Variants in MYO6 observed in about 807,000 individuals in gnomAD.
The protein encoded by MYO6 is unconventional myosin-VI.
MYO6 carries 74 observed loss-of-function variants against 178.7 expected under a neutral mutation model. The ratio of observed to expected loss-of-function variants is 0.41; its 90% confidence interval spans 0.34 to 0.50. MYO6 has a LOEUF of 0.50. Ranked by LOEUF, MYO6 falls within the 20% of genes least tolerant of loss-of-function variation. The probability of loss-of-function intolerance (pLI) is 0.09; values close to 1 mark genes in which losing one functional copy is unlikely to be tolerated. For missense variants in MYO6, 1,330 were observed against 1,547.4 expected (o/e 0.86, Z 2.36); for synonymous variants, 477 against 504.6 (o/e 0.95, Z 0.73).
In MYO6 at chr6:75,816,498, C is replaced by T. The variant is rs147829987; in HGVS notation, c.-47-1003C>T. Among the ~76,000 whole-genome samples, 42 of 152,348 alleles carry T rather than the reference C, an allele frequency of 2.8e-4. No homozygotes were observed. In the East Asian group the frequency reaches 7.1e-3, roughly 26 times the overall value. ...TTGGCATTCTAGGCGTAAGCTACCA[C>T]TCATGACCTTGATTGGAGTGTTTCA... is the stretch of plus-strand genomic sequence containing the variant. On this transcript the variant is annotated intron_variant, in intron 1 of 34. Coordinates refer to ENST00000369977, the MANE Select transcript of MYO6 (RefSeq NM_004999.4).
Position 75,914,201 on chromosome 6 carries a change from G to C in MYO6, c.3578G>C (p.Trp1193Ser). ...CCTCAGAGTAAGAAAAAAGGCTGGTGGTATGCCCATTTTGATGGACCATGG... is the reference window on the plus strand; with the variant it reads ...CCTCAGAGTAAGAAAAAAGGCTGGTCGTATGCCCATTTTGATGGACCATGG... ...KDPQSKKKGW[W>S]YAHFDGPWIA... The change falls in exon 34 of 35, where the codon TGG becomes TCG. Residue 1193 changes from tryptophan to serine, a missense_variant. Coordinates refer to ENST00000369977, the MANE Select transcript of MYO6 (RefSeq NM_004999.4). 6.2e-7 allele frequency: 1 copy of C among 1,614,096 alleles called. No individual in the cohort carries two copies. The highest frequency in any genetic ancestry group is 8.5e-7 in the Non-Finnish European group (1 of 1,180,016).
At chr6:75,911,741 G>A in intron 33 of MYO6, 43 bp downstream of exon 33, 10 of 1,582,002 alleles carry the variant, frequency 6.3e-6, no homozygotes, top group Non-Finnish European at 8.7e-6. Flanking sequence ...TGGAAGATGG[G>A]TTAAAATACT....
chr6:75,881,932 C>T (rs1778063926), intron 23 of MYO6, 114 bp downstream of exon 23: 1 of 1,219,782 alleles, frequency 8.2e-7, no homozygotes, highest in Middle Eastern at 2.2e-4. Context: ...GACTTGTTCA[C>T]ACTGGGTCCC....
At chr6:75,842,046 G>A (rs1054554553) in intron 9 of MYO6, among the ~76,000 whole-genome samples, 2 of 152,018 alleles carry the variant, frequency 1.3e-5, no homozygotes, top group African/African-American at 4.8e-5. Context: ...ATTAATAAAG[G>A]ACACATGATT....
intron 9 of MYO6, among the ~76,000 whole-genome samples, chr6:75,844,663 CATTTT>C (rs1429810367): frequency 1.3e-5 from 2 of 151,876 alleles, no homozygotes; most frequent in Non-Finnish European, 2.9e-5. Context: ...GATTTTTAAT[CATTTT>C]ATTTAATCTA....
At chr6:75,911,645 T>G in intron 32 of MYO6, 27 bp from the exon 33 acceptor site, 1 of 1,600,974 alleles carries the variant, frequency 6.2e-7, no homozygotes, top group Non-Finnish European at 8.6e-7. Flanking sequence ...TTTTATCTTT[T>G]CTTCAACATA....
chr6:75,868,177 G>GT (rs952908712), intron 18 of MYO6, among the ~76,000 whole-genome samples: 21 of 150,918 alleles, frequency 1.4e-4, no homozygotes, highest in Non-Finnish European at 2.4e-4. Context: ...ATAAGAGCTA[G>GT]TTTTTTTTTA....
intron 1 of MYO6, among the ~76,000 whole-genome samples, chr6:75,756,893 G>A (rs371372329): frequency 7.1e-4 from 57 of 79,744 alleles, no homozygotes; most frequent in South Asian, 3.2e-3. Context: ...TGTTGTGTGT[G>A]TATATATATA....
Position 75,859,014 on chromosome 6 carries a change from A to C in MYO6, c.1473+21A>C, listed in dbSNP as rs553554182. Reference sequence around the variant, plus strand: ...AGGAGGTAATTGCCATTATAAGTTTAATTTAAGATCTGCATAAAGCTATTT... The same window carrying C: ...AGGAGGTAATTGCCATTATAAGTTTCATTTAAGATCTGCATAAAGCTATTT... On this transcript the variant is annotated intron_variant, in intron 14 of 34. Coordinates refer to ENST00000369977, the MANE Select transcript of MYO6 (RefSeq NM_004999.4). The C allele has an allele frequency of 4.0e-5, 57 of 1,430,758 alleles. No homozygotes were observed. The South Asian group carries it at 6.1e-4, about 15-fold the overall frequency. The allele number at this position is 1,430,758 out of a possible 1,614,324, so 88.6% of individuals were successfully genotyped here.
chr6:75,886,308 G>A (rs1271902255), intron 24 of MYO6, among the ~76,000 whole-genome samples: 2 of 152,104 alleles, frequency 1.3e-5, no homozygotes, highest in African/African-American at 4.8e-5. Flanking sequence ...AGGATTTGAA[G>A]TGGCATACAA....
intron 18 of MYO6, chr6:75,867,601 C>T (rs1266732069): frequency 6.4e-6 from 1 of 155,056 alleles, no homozygotes; most frequent in African/African-American, 2.4e-5. Flanking sequence ...GTTAATGATT[C>T]AGTTTGTAAT....
chr6:75,785,574 G>T (rs1767469151), intron 1 of MYO6, among the ~76,000 whole-genome samples: 1 of 150,738 alleles, frequency 6.6e-6, no homozygotes, highest in African/African-American at 2.4e-5. Context: ...CTGGGCTCAA[G>T]CGATCGTCCC....
chr6:75,851,027 G>A (rs541606512), intron 11 of MYO6, among the ~76,000 whole-genome samples: 3 of 151,890 alleles, frequency 2.0e-5, no homozygotes, highest in Non-Finnish European at 4.4e-5. Context: ...TTGCTCTCTA[G>A]CATTGTTATA....
chr6:75,901,937 G>T (rs1057091943), intron 30 of MYO6, among the ~76,000 whole-genome samples: 136 of 152,218 alleles, frequency 8.9e-4, no homozygotes, highest in African/African-American at 3.2e-3. Context: ...AGCATGAAGG[G>T]TTGTTGAATT....
At chr6:75,864,069 TAACAACAAC>T (rs553965864) in intron 16 of MYO6, among the ~76,000 whole-genome samples, 7 of 151,796 alleles carry the variant, frequency 4.6e-5, no homozygotes, top group East Asian at 1.9e-4. Flanking sequence ...ACAACATCAT[TAACAACAAC>T]AACAACAACA....
chr6:75,883,870 T>C (rs1778226946), intron 23 of MYO6, among the ~76,000 whole-genome samples: 1 of 152,224 alleles, frequency 6.6e-6, no homozygotes. Flanking sequence ...AGGAAAATTC[T>C]TTTGGCCTAA....
At chr6:75,830,629 G>A in intron 5 of MYO6, 84 bp downstream of exon 5, 4 of 1,306,728 alleles carry the variant, frequency 3.1e-6, no homozygotes, top group Non-Finnish European at 3.3e-6. Context: ...ATTAATAAAA[G>A]ATACCATAAA....
chr6:75,874,598 T>C (rs1001419982), intron 20 of MYO6, among the ~76,000 whole-genome samples: 2 of 152,250 alleles, frequency 1.3e-5, no homozygotes, highest in East Asian at 3.8e-4. Flanking sequence ...TTGAGGCTTA[T>C]AGTTCTTTGA....
chr6:75,785,220 T>C (rs1004409505), intron 1 of MYO6, among the ~76,000 whole-genome samples: 1 of 152,138 alleles, frequency 6.6e-6, no homozygotes, highest in African/African-American at 2.4e-5. Flanking sequence ...ACAAGTTACA[T>C]TGGTTTTATA....
Sources: allele counts gnomAD v4.1 joint callset (sites outside exome capture counted in the v4.1 genomes callset), GRCh38; gene constraint gnomAD v4.1.1; transcripts MANE v1.5; gene names NCBI Gene and HGNC (gene_info 2026-07-23, HGNC 2026-07-21).